The following ASIC2 variants were observed in gnomAD, a reference collection of about 807,000 sequenced individuals.
ASIC2 encodes acid-sensing ion channel 2.
A neutral mutation model predicts 57.3 loss-of-function variants in ASIC2; 25 were observed. The observed-to-expected ratio is 0.44, with a 90% CI of 0.32 to 0.61. ASIC2 has a LOEUF of 0.61. ASIC2 is among the 20% of genes least tolerant of loss of function. The pLI is 0.06. For synonymous variants in ASIC2, 319 were observed against 307.5 expected (o/e 1.04, Z -0.39); for missense variants, 641 against 738.1 (o/e 0.87, Z 1.52).
intron 1 of ASIC2, among the ~76,000 whole-genome samples, chr17:34,011,003 C>CACACAAACATAG (rs1555580898): frequency 1.7e-5 from 1 of 58,856 alleles, no homozygotes; most frequent in Non-Finnish European, 4.0e-5. Context: ...GTCAGACACA[C>CACACAAACATAG]ACACACACAG....
chr17:33,498,234 C>T (rs893999172), intron 1 of ASIC2, among the ~76,000 whole-genome samples: 2 of 152,242 alleles, frequency 1.3e-5, no homozygotes, highest in Non-Finnish European at 2.9e-5. Context: ...GCTAGGAACG[C>T]TCCCACCAGG....
At chr17:33,543,732 A>T (rs1015068854) in intron 1 of ASIC2, among the ~76,000 whole-genome samples, 3 of 152,166 alleles carry the variant, frequency 2.0e-5, no homozygotes, top group Admixed American at 1.3e-4. Flanking sequence ...AAGCCTTGTT[A>T]TTCTGCTCTA....
At chr17:34,036,495 A>G (rs2142041747) in intron 1 of ASIC2, among the ~76,000 whole-genome samples, 1 of 151,930 alleles carries the variant, frequency 6.6e-6, no homozygotes, top group South Asian at 2.1e-4. Context: ...CACGTTGTGC[A>G]CACGTACCCT....
chr17:34,031,435 A>C (rs1907607458), intron 1 of ASIC2, among the ~76,000 whole-genome samples: 1 of 152,216 alleles, frequency 6.6e-6, no homozygotes, highest in Non-Finnish European at 1.5e-5. Context: ...AAAAACTGGA[A>C]ACTGTAAAAA....
At chr17:33,657,223 G>T (rs1257250845) in intron 1 of ASIC2, among the ~76,000 whole-genome samples, 1 of 152,164 alleles carries the variant, frequency 6.6e-6, no homozygotes, top group Non-Finnish European at 1.5e-5. Context: ...AGATAGAGTG[G>T]TCCAAACCCC....
chr17:34,121,610 C>T (rs1185045964), intron 1 of ASIC2, among the ~76,000 whole-genome samples: 1 of 152,148 alleles, frequency 6.6e-6, no homozygotes, highest in Non-Finnish European at 1.5e-5. Flanking sequence ...CTCATCATGT[C>T]CCTCCTCTGA....
intron 1 of ASIC2, among the ~76,000 whole-genome samples, chr17:33,666,582 G>T (rs542045243): frequency 1.3e-5 from 2 of 152,284 alleles, no homozygotes; most frequent in African/African-American, 4.8e-5. Flanking sequence ...CATCTGGAAG[G>T]CTTGAAGTGA....
chr17:33,811,044 G>A (rs1339353447), intron 1 of ASIC2, among the ~76,000 whole-genome samples: 2 of 152,164 alleles, frequency 1.3e-5, no homozygotes, highest in African/African-American at 4.8e-5. Flanking sequence ...GTATGTAAAC[G>A]GCATGGGCCT....
At chr17:33,671,060 G>T (rs951208204) in intron 1 of ASIC2, among the ~76,000 whole-genome samples, 1 of 152,134 alleles carries the variant, frequency 6.6e-6, no homozygotes, top group Non-Finnish European at 1.5e-5. Flanking sequence ...CATGAGACCC[G>T]TCTGGCTTTA....
intron 1 of ASIC2, among the ~76,000 whole-genome samples, chr17:33,325,046 C>A (rs143532118): frequency 3.6e-4 from 55 of 152,304 alleles, no homozygotes; most frequent in South Asian, 3.5e-3. Context: ...ATGCTTTCCG[C>A]CTGACATGCT....
chr17:33,574,525 C>T (rs1364932777), intron 1 of ASIC2, among the ~76,000 whole-genome samples: 1 of 152,170 alleles, frequency 6.6e-6, no homozygotes, highest in Non-Finnish European at 1.5e-5. Context: ...ACTAGCATCC[C>T]TGGCCTCTAC....
intron 1 of ASIC2, among the ~76,000 whole-genome samples, chr17:33,414,563 T>A (rs1240601501): frequency 1.3e-5 from 2 of 152,154 alleles, no homozygotes; most frequent in Admixed American, 6.5e-5. Context: ...GGTCAAGGCC[T>A]GCCTTGGGGC....
intron 1 of ASIC2, among the ~76,000 whole-genome samples, chr17:33,848,439 AT>A (rs1372868878): frequency 1.3e-5 from 2 of 152,052 alleles, no homozygotes; most frequent in Admixed American, 6.5e-5. Flanking sequence ...TCCCTTGTGA[AT>A]GAGGGGTGTT....
intron 1 of ASIC2, among the ~76,000 whole-genome samples, chr17:33,684,485 G>T (rs1908117715): frequency 6.6e-6 from 1 of 151,974 alleles, no homozygotes; most frequent in Non-Finnish European, 1.5e-5. Context: ...ACCCTGGGTT[G>T]GGCGCGGGTG....
At chr17:34,058,291 C>G (rs374527270) in intron 1 of ASIC2, among the ~76,000 whole-genome samples, 1 of 152,184 alleles carries the variant, frequency 6.6e-6, no homozygotes, top group African/African-American at 2.4e-5. Flanking sequence ...ATGACATAAG[C>G]CCTTGCTGCA....
Position 33,797,854 on chromosome 17 carries a change from T to C in ASIC2, c.555+358124A>G, listed in dbSNP as rs1911966585. On this transcript the variant is annotated intron_variant, in intron 1 of 9. Coordinates refer to the ASIC2 transcript ENST00000359872. ...GGAGGTGGGGTTTCTCAATCACACC[T>C]GAGTGCTTCTTCCTACAACTTCAGC... 2.0e-5 allele frequency among the ~76,000 whole-genome samples: 3 copies of C among 152,174 alleles called. No homozygotes were observed. The South Asian group carries it at 6.2e-4, about 32-fold the overall frequency.
At chr17:33,795,462 C>T (rs1450937758) in intron 1 of ASIC2, among the ~76,000 whole-genome samples, 1 of 152,230 alleles carries the variant, frequency 6.6e-6, no homozygotes, top group Non-Finnish European at 1.5e-5. Flanking sequence ...CCAACCTTGC[C>T]ATGTGCAAGT....
chr17:34,020,984 C>T (rs139977505), intron 1 of ASIC2, among the ~76,000 whole-genome samples: 170 of 152,238 alleles, frequency 1.1e-3, no homozygotes, highest in African/African-American at 4.0e-3. Flanking sequence ...TATTATCACC[C>T]AATACCATGA....
intron 1 of ASIC2, among the ~76,000 whole-genome samples, chr17:33,904,788 T>C (rs1915312758): frequency 1.3e-5 from 2 of 152,246 alleles, no homozygotes; most frequent in Admixed American, 1.3e-4. Flanking sequence ...GTTACTTCTG[T>C]AACTTCTTCC....
Sources: gnomAD v4.1 joint callset for allele counts (sites outside exome capture counted in the v4.1 genomes callset) on GRCh38, gnomAD v4.1.1 for gene constraint, MANE v1.5 for transcripts, NCBI Gene and HGNC (gene_info 2026-07-23, HGNC 2026-07-21) for gene names.